GREB1L: variants seen among roughly 807,000 people sequenced by gnomAD.
GREB1L encodes GREB1 like retinoic acid receptor coactivator, also known as GREB1-like protein.
A neutral mutation model predicts 200.8 loss-of-function variants in GREB1L; 17 were observed. The observed-to-expected ratio is 0.08, with a 90% CI of 0.06 to 0.13. GREB1L has a LOEUF of 0.13. Among genes scored for constraint, GREB1L ranks in the 10% least tolerant of loss-of-function variants. The probability of loss-of-function intolerance (pLI) is 1.00; values close to 1 mark genes in which losing one functional copy is unlikely to be tolerated. For missense variants in GREB1L, 1,657 were observed against 2,367.7 expected, an observed-to-expected ratio of 0.70 and a Z score of 6.23; for synonymous variants, 789 against 893.0, an observed-to-expected ratio of 0.88 and a Z score of 2.08.
At position 21,524,507 on chromosome 18, in the gene GREB1L, T is replaced by C. The variant is rs2146144499; in HGVS notation, c.*1686T>C. 1 of 152,310 alleles carries C rather than the reference T, an allele frequency of 6.6e-6. No individual in the cohort carries two copies. The highest frequency in any genetic ancestry group is 2.4e-5 in the African/African-American group (1 of 41,572). The allele number at this position is 152,310 out of a possible 1,614,324, so 9.4% of individuals were successfully genotyped here. On this transcript the variant is annotated 3_prime_UTR_variant, in exon 33 of 33. Coordinates refer to ENST00000424526, the MANE Select transcript of GREB1L (RefSeq NM_001142966.3). ...AGAGGTATGTTTTGAAGCAATTTGGTTTAAATATGAATGTATTTCACTTGT... is the reference window on the plus strand; with the variant it reads ...AGAGGTATGTTTTGAAGCAATTTGGCTTAAATATGAATGTATTTCACTTGT...
chr18:21,336,524 T>A (rs772733093), intron 1 of GREB1L, among the ~76,000 whole-genome samples: 3 of 152,222 alleles, frequency 2.0e-5, no homozygotes, highest in Non-Finnish European at 4.4e-5. Flanking sequence ...TCACCCCAGC[T>A]GCCCGCATAC....
At position 21,271,400 on chromosome 18, in the gene GREB1L, G is replaced by A. The variant is rs112213879; in HGVS notation, c.-120+29007G>A. Among the ~76,000 whole-genome samples, 1,213 of 151,810 alleles carry A rather than the reference G, an allele frequency of 8.0e-3. 22 individuals carry two copies. The highest frequency in any genetic ancestry group is 0.028 in the African/African-American group (1,163 of 41,374). On this transcript the variant is annotated intron_variant, in intron 1 of 32. Transcript: ENST00000424526. Reference sequence around the variant, plus strand: ...GGTGGCTCTCACCTGTAATCCCAGCGCGTTGAGAGGCCAAGGCAGGAGGAC... The same window carrying A: ...GGTGGCTCTCACCTGTAATCCCAGCACGTTGAGAGGCCAAGGCAGGAGGAC...
At chr18:21,378,016 C>G (rs1242337401) in intron 2 of GREB1L, among the ~76,000 whole-genome samples, 1 of 152,208 alleles carries the variant, frequency 6.6e-6, no homozygotes, top group African/African-American at 2.4e-5. Flanking sequence ...TACAAGCCAC[C>G]ATGCCTGTCC....
At chr18:21,304,626 C>G (rs951001795) in intron 1 of GREB1L, among the ~76,000 whole-genome samples, 12 of 152,096 alleles carry the variant, frequency 7.9e-5, no homozygotes, top group African/African-American at 2.7e-4. Flanking sequence ...GTAAGATGTA[C>G]AAAATGGGAA....
chr18:21,318,124 A>C (rs1242586754), intron 1 of GREB1L, among the ~76,000 whole-genome samples: 2 of 149,356 alleles, frequency 1.3e-5, no homozygotes, highest in Non-Finnish European at 3.0e-5. Flanking sequence ...AAAAAAAAAA[A>C]ACAAAGAGAG....
At chr18:21,262,449 T>G (rs1272663140) in intron 1 of GREB1L, among the ~76,000 whole-genome samples, 2 of 152,186 alleles carry the variant, frequency 1.3e-5, no homozygotes, top group East Asian at 3.8e-4. Context: ...GTGAATACTT[T>G]ATAAAATTTT....
At chr18:21,279,307 T>C (rs1384873109) in intron 1 of GREB1L, among the ~76,000 whole-genome samples, 4 of 152,112 alleles carry the variant, frequency 2.6e-5, no homozygotes, top group African/African-American at 7.2e-5. Context: ...TTTTCTGTGA[T>C]GTTACTGAAT....
intron 1 of GREB1L, among the ~76,000 whole-genome samples, chr18:21,330,247 T>C (rs953193537): frequency 9.9e-5 from 15 of 152,214 alleles, no homozygotes; most frequent in African/African-American, 3.6e-4. Context: ...TCGTGAGGGC[T>C]GGCCTCATTA....
At chr18:21,471,426 A>AC (rs2035477094) in intron 15 of GREB1L, among the ~76,000 whole-genome samples, 1 of 151,852 alleles carries the variant, frequency 6.6e-6, no homozygotes, top group Non-Finnish European at 1.5e-5. Flanking sequence ...TCCTCTGCCT[A>AC]CCCCATAGTA....
chr18:21,280,835 T>C (rs898205964), intron 1 of GREB1L, among the ~76,000 whole-genome samples: 20 of 152,208 alleles, frequency 1.3e-4, no homozygotes, highest in African/African-American at 4.6e-4. Flanking sequence ...GCTTTCTCGC[T>C]CTTTCACTGA....
rs2034669357 is a variant in GREB1L, at chr18:21,454,571, T to A, written c.2182+8T>A. Reference sequence around the variant, plus strand: ...AGCGGATTCGACAATCAGGTAAGAGTGAACTTTCAAAGAGGAGCCCACCTA... The same window carrying A: ...AGCGGATTCGACAATCAGGTAAGAGAGAACTTTCAAAGAGGAGCCCACCTA... On this transcript the variant is annotated splice_region_variant and intron_variant, in intron 15 of 32. Coordinates refer to ENST00000424526, the MANE Select transcript of GREB1L (RefSeq NM_001142966.3). The A allele has an allele frequency of 1.9e-6, 3 of 1,549,382 alleles. No individual in the cohort carries two copies. Among genetic ancestry groups the A allele is most frequent in the Non-Finnish European group, 2.6e-6 (3 of 1,144,960 alleles).
At chr18:21,254,690 G>A (rs966419532) in intron 1 of GREB1L, among the ~76,000 whole-genome samples, 41 of 152,126 alleles carry the variant, frequency 2.7e-4, no homozygotes, top group African/African-American at 8.9e-4. Context: ...GCTTGACAAT[G>A]TCCTCAAGAA....
intron 27 of GREB1L, among the ~76,000 whole-genome samples, chr18:21,510,917 A>G (rs1338148353): frequency 6.6e-6 from 1 of 151,994 alleles, no homozygotes; most frequent in African/African-American, 2.4e-5. Flanking sequence ...AATATTGAAC[A>G]TCTTTTTGTG....
intron 1 of GREB1L, among the ~76,000 whole-genome samples, chr18:21,322,875 T>A (rs1460159648): frequency 6.6e-6 from 1 of 152,102 alleles, no homozygotes; most frequent in Non-Finnish European, 1.5e-5. Flanking sequence ...AAATGAAAAA[T>A]TAATTGAATA....
intron 11 of GREB1L, among the ~76,000 whole-genome samples, chr18:21,448,858 G>A (rs1053413273): frequency 6.6e-5 from 10 of 152,182 alleles, no homozygotes; most frequent in African/African-American, 2.4e-4. Flanking sequence ...AGCAGTATAA[G>A]TTTTGCTCCA....
intron 15 of GREB1L, among the ~76,000 whole-genome samples, chr18:21,463,776 C>A (rs1246149266): frequency 6.6e-6 from 1 of 152,154 alleles, no homozygotes; most frequent in Non-Finnish European, 1.5e-5. Flanking sequence ...CACCACGTTG[C>A]TCAGGCTGGT....
chr18:21,279,153 G>A (rs1287487659), intron 1 of GREB1L, among the ~76,000 whole-genome samples: 1 of 151,984 alleles, frequency 6.6e-6, no homozygotes, highest in East Asian at 1.9e-4. Context: ...TTACATTTTA[G>A]AAAATTTGAG....
At chr18:21,270,519 G>A (rs1385306243) in intron 1 of GREB1L, among the ~76,000 whole-genome samples, 1 of 152,146 alleles carries the variant, frequency 6.6e-6, no homozygotes, top group East Asian at 1.9e-4. Flanking sequence ...TATAAGCCCA[G>A]GGTGTAAGAG....
intron 20 of GREB1L, 60 bp downstream of exon 20, chr18:21,495,845 A>T: frequency 1.1e-6 from 1 of 923,762 alleles, no homozygotes; most frequent in Non-Finnish European, 1.7e-6. Flanking sequence ...TGATGATTAA[A>T]ACTTGGCTGA....
Sources: gnomAD v4.1 joint callset for allele counts (sites outside exome capture counted in the v4.1 genomes callset) on GRCh38, gnomAD v4.1.1 for gene constraint, MANE v1.5 for transcripts, NCBI Gene and HGNC (gene_info 2026-07-23, HGNC 2026-07-21) for gene names.